The following RNF150 variants were observed in gnomAD, a reference collection of about 807,000 sequenced individuals.
RNF150 encodes the protein ring finger protein 150.
RNF150 carries 24 observed loss-of-function variants against 39.3 expected under a neutral mutation model. That is an observed-to-expected ratio of 0.61 (90% confidence interval 0.44 to 0.86). The LOEUF (loss-of-function observed/expected upper bound fraction) is 0.86, where lower values mean the gene tolerates loss of function less well. Among genes scored for constraint, RNF150 ranks in the 40% least tolerant of loss-of-function variants. The pLI is 0.00. For missense variants in RNF150, 502 were observed against 587.8 expected (o/e 0.85, Z 1.51); for synonymous variants, 255 against 227.3 (o/e 1.12, Z -1.10).
At chr4:141,076,683 C>G (rs1435033225) in intron 1 of RNF150, among the ~76,000 whole-genome samples, 1 of 151,934 alleles carries the variant, frequency 6.6e-6, no homozygotes, top group Non-Finnish European at 1.5e-5. Context: ...TTTGAAAATT[C>G]TATCAAACTG....
intron 1 of RNF150, among the ~76,000 whole-genome samples, chr4:141,026,636 T>C (rs763508270): frequency 6.6e-6 from 1 of 152,196 alleles, no homozygotes; most frequent in Non-Finnish European, 1.5e-5. Context: ...TCAACACACA[T>C]ATACTCCCAG....
chr4:140,904,652 C>A (rs1730310999), intron 6 of RNF150, among the ~76,000 whole-genome samples: 1 of 152,170 alleles, frequency 6.6e-6, no homozygotes, highest in Non-Finnish European at 1.5e-5. Context: ...TGCTGTTTTG[C>A]AAATGTAGCA....
At chr4:141,185,880 C>T (rs187774974) in intron 1 of RNF150, among the ~76,000 whole-genome samples, 1 of 152,264 alleles carries the variant, frequency 6.6e-6, no homozygotes, top group African/African-American at 2.4e-5. Flanking sequence ...ATGGATGAAG[C>T]CAACTTGGTC....
intron 1 of RNF150, among the ~76,000 whole-genome samples, chr4:141,062,824 C>T (rs930305586): frequency 6.6e-6 from 1 of 152,140 alleles, no homozygotes; most frequent in African/African-American, 2.4e-5. Flanking sequence ...GCCCTTGTCC[C>T]CCTCCCTTTC....
rs1730593398 is a variant in RNF150, at chr4:140,911,312, C to G, written c.1030G>C (p.Gly344Arg). ...CMDDLPTDFE[G>R]SLGGPPTNQI... Reference sequence around the variant, plus strand: ...TTGGTGGGTGGACCTCCCAGAGAGCCCTCGAAGTCAGTGGGCAAGTCGTCC... The same window carrying G: ...TTGGTGGGTGGACCTCCCAGAGAGCGCTCGAAGTCAGTGGGCAAGTCGTCC... Residue 344 changes from glycine (G) to arginine (R), a missense_variant, in exon 6 of 7, where the codon GGC (glycine) becomes CGC (arginine). Physicochemically the swap from Gly to Arg is moderately radical, Grantham distance 125. Coordinates refer to ENST00000515673, the MANE Select transcript of RNF150 (RefSeq NM_020724.2). 1 of 1,613,974 alleles carries G rather than the reference C, an allele frequency of 6.2e-7. No homozygotes were observed. Among genetic ancestry groups the G allele is most frequent in the Non-Finnish European group, 8.5e-7 (1 of 1,180,024 alleles).
intron 6 of RNF150, among the ~76,000 whole-genome samples, chr4:140,893,072 G>GA (rs939120781): frequency 9.3e-5 from 14 of 150,000 alleles, no homozygotes; most frequent in African/African-American, 1.2e-4. Flanking sequence ...TCTCTTAAAA[G>GA]AAAAAAAAAG....
chr4:141,090,781 C>T (rs894404510), intron 1 of RNF150, among the ~76,000 whole-genome samples: 1 of 152,176 alleles, frequency 6.6e-6, no homozygotes, highest in African/African-American at 2.4e-5. Flanking sequence ...TGTTGCTTTT[C>T]AGGAACGATG....
chr4:140,980,018 C>T (rs1359000152), intron 1 of RNF150, among the ~76,000 whole-genome samples: 2 of 151,988 alleles, frequency 1.3e-5, no homozygotes, highest in East Asian at 1.9e-4. Context: ...TGGGAAAAAT[C>T]ACAATGAATC....
chr4:141,035,339 G>A (rs1431242354), intron 1 of RNF150, among the ~76,000 whole-genome samples: 1 of 152,152 alleles, frequency 6.6e-6, no homozygotes, highest in Non-Finnish European at 1.5e-5. Context: ...CCTTTCTGCT[G>A]GCGCTACCGG....
chr4:141,024,094 C>T (rs1003080410), intron 1 of RNF150, among the ~76,000 whole-genome samples: 4 of 152,098 alleles, frequency 2.6e-5, no homozygotes, highest in Non-Finnish European at 5.9e-5. Flanking sequence ...ACCTGAGCTG[C>T]CGATGGGTTG....
intron 1 of RNF150, among the ~76,000 whole-genome samples, chr4:140,994,270 C>A (rs1029748139): frequency 6.6e-6 from 1 of 152,182 alleles, no homozygotes; most frequent in African/African-American, 2.4e-5. Flanking sequence ...AAAGCTGCAG[C>A]CAGATCTCTC....
intron 1 of RNF150, among the ~76,000 whole-genome samples, chr4:141,042,465 A>T (rs1345202863): frequency 6.6e-6 from 1 of 152,110 alleles, no homozygotes; most frequent in Non-Finnish European, 1.5e-5. Context: ...AGTTTAATTC[A>T]GATTGGTCTT....
intron 1 of RNF150, among the ~76,000 whole-genome samples, chr4:141,155,344 C>T (rs1014409069): frequency 9.9e-5 from 15 of 151,326 alleles, no homozygotes; most frequent in African/African-American, 2.7e-4. Flanking sequence ...ATGATCCACC[C>T]GCCTCGGCCT....
chr4:140,937,385 C>T (rs1219690823), intron 4 of RNF150, among the ~76,000 whole-genome samples: 5 of 152,214 alleles, frequency 3.3e-5, no homozygotes, highest in Middle Eastern at 3.4e-3. Context: ...CTCAACTTCC[C>T]GATTAGCTGG....
chr4:140,970,795 C>T (rs1560993471), intron 1 of RNF150, among the ~76,000 whole-genome samples: 1 of 152,078 alleles, frequency 6.6e-6, no homozygotes, highest in Non-Finnish European at 1.5e-5. Flanking sequence ...GAAAGACAAA[C>T]AGTGCAAATG....
intron 5 of RNF150, among the ~76,000 whole-genome samples, 164 bp downstream of exon 5, chr4:140,925,813 G>A (rs568863408): frequency 6.6e-6 from 1 of 152,300 alleles, no homozygotes; most frequent in East Asian, 1.9e-4. Flanking sequence ...AGTGAGGGGA[G>A]AAATGCTTTC....
At chr4:141,106,659 T>C (rs942498597) in intron 1 of RNF150, among the ~76,000 whole-genome samples, 4 of 151,866 alleles carry the variant, frequency 2.6e-5, no homozygotes, top group Non-Finnish European at 5.9e-5. Flanking sequence ...CTGGGCATGG[T>C]GGTGGGCGCC....
intron 1 of RNF150, among the ~76,000 whole-genome samples, chr4:141,156,458 T>C (rs1044602636): frequency 6.6e-6 from 1 of 151,992 alleles, no homozygotes; most frequent in African/African-American, 2.4e-5. Context: ...TTTTTTGACA[T>C]TATTTTAGAG....
At chr4:140,952,520 C>T (rs541399349) in intron 2 of RNF150, among the ~76,000 whole-genome samples, 1 of 152,284 alleles carries the variant, frequency 6.6e-6, no homozygotes, top group Admixed American at 6.5e-5. Context: ...TTGAAAACAT[C>T]CGCTCAGTCT....
Sources: gnomAD v4.1 joint callset for allele counts (sites outside exome capture counted in the v4.1 genomes callset) on GRCh38, gnomAD v4.1.1 for gene constraint, MANE v1.5 for transcripts, NCBI Gene and HGNC (gene_info 2026-07-23, HGNC 2026-07-21) for gene names.